LYSMD3: variants seen among roughly 807,000 people sequenced by gnomAD.
LYSMD3 encodes LysM domain containing 3, also known as lysM and putative peptidoglycan-binding domain-containing protein 3.
LYSMD3 carries 13 observed loss-of-function variants against 26.1 expected under a neutral mutation model. The ratio of observed to expected loss-of-function variants is 0.50; its 90% confidence interval spans 0.32 to 0.79. The LOEUF is 0.79. LYSMD3 is among the 30% of genes least tolerant of loss of function. The pLI is 0.03. For synonymous variants in LYSMD3, 109 were observed against 119.4 expected, an observed-to-expected ratio of 0.91 and a Z score of 0.57; for missense variants, 331 against 362.5, an observed-to-expected ratio of 0.91 and a Z score of 0.71.
At chr5:90,520,382 A>G in intron 2 of LYSMD3, 2 of 456,242 alleles carry the variant, frequency 4.4e-6, no homozygotes, top group Admixed American at 4.7e-5. Context: ...TGTCAGAGAG[A>G]TAAAGTGGGT....
rs774712586 is a variant in LYSMD3 at position 90,517,217 on chromosome 5, T to C, written c.*1602A>G. 5 of 152,378 alleles carry C rather than the reference T, an allele frequency of 3.3e-5. No homozygotes were observed. Among genetic ancestry groups the C allele is most frequent in the Non-Finnish European group, 5.9e-5 (4 of 67,924 alleles). The allele number at this position is 152,378 out of a possible 1,614,324, so 9.4% of individuals were successfully genotyped here. ...CTAATATTTGCAAGGGCTTTAATGT[T>C]TGACTTCTTTGTCCTGTCTTTTCCT... On this transcript the variant is annotated 3_prime_UTR_variant, in exon 3 of 3. Coordinates refer to ENST00000315948, the MANE Select transcript of LYSMD3 (RefSeq NM_198273.2).
chr5:90,525,020 A>G lies in LYSMD3; in HGVS notation c.255+15T>C. 6.5e-7 allele frequency: 1 copy of G among 1,538,212 alleles called. No individual in the cohort carries two copies. Among genetic ancestry groups the G allele is most frequent in the Non-Finnish European group, 8.8e-7 (1 of 1,138,120 alleles). ...TAATTTCTTCTGAATTGCATTATGT[A>G]ATATTAAAACTTACCGTACAACAGT... On this transcript the variant is annotated intron_variant, in intron 2 of 2. Transcript: ENST00000315948.
chr5:90,523,015 G>A (rs1039070075), intron 2 of LYSMD3, among the ~76,000 whole-genome samples: 17 of 151,974 alleles, frequency 1.1e-4, no homozygotes, highest in East Asian at 1.9e-4. Flanking sequence ...CTCTCCTCTC[G>A]GATCTGTACC....
Position 90,516,001 on chromosome 5 carries a change from C to T in LYSMD3, c.*2818G>A, listed in dbSNP as rs1204581400. 2 of 152,108 alleles carry T rather than the reference C, an allele frequency of 1.3e-5. No individual in the cohort carries two copies. The highest frequency in any genetic ancestry group is 2.4e-5 in the African/African-American group (1 of 41,446). The allele number at this position is 152,108 out of a possible 1,614,324, so 9.4% of individuals were successfully genotyped here. A position where few individuals can be genotyped will look rare whatever the true frequency, so the allele number is the denominator to read the frequency against. ...TCCTTGCTTCATGATATTTCTAAAACTAAGCATATCCTTCATATTTTCAAC... is the reference window on the plus strand; with the variant it reads ...TCCTTGCTTCATGATATTTCTAAAATTAAGCATATCCTTCATATTTTCAAC... On this transcript the variant is annotated 3_prime_UTR_variant, in exon 3 of 3. Coordinates refer to ENST00000315948, the MANE Select transcript of LYSMD3 (RefSeq NM_198273.2).
In LYSMD3 at chr5:90,519,127, G is replaced by A. The variant is rs767131169; in HGVS notation, c.613C>T (p.Arg205Cys). Residue 205 changes from arginine (R) to cysteine (C), a missense_variant, in exon 3 of 3, where the codon CGT (arginine) becomes TGT (cysteine). Physicochemically the swap from Arg to Cys is radical, Grantham distance 180. Transcript: ENST00000315948. Reference sequence around the variant, plus strand: ...TCTGCTCCATAATAGGGGTCTTTACGTTGAGTGTTTTTGTTATCAGGTTCA... The same window carrying A: ...TCTGCTCCATAATAGGGGTCTTTACATTGAGTGTTTTTGTTATCAGGTTCA... Reference protein sequence around the residue: ...RFEPDNKNTQRKDPYYGADWG... With the variant: ...RFEPDNKNTQCKDPYYGADWG... 12 of 1,613,902 alleles carry A rather than the reference G, an allele frequency of 7.4e-6. No individual in the cohort carries two copies. Among genetic ancestry groups the A allele is most frequent in the African/African-American group, 5.3e-5 (4 of 74,882 alleles).
At chr5:90,522,522 C>A (rs1753117978) in intron 2 of LYSMD3, among the ~76,000 whole-genome samples, 1 of 152,212 alleles carries the variant, frequency 6.6e-6, no homozygotes, top group South Asian at 2.1e-4. Context: ...ATCCTTATCA[C>A]AAATATTTTA....
At chr5:90,521,306 A>G (rs1347705102) in intron 2 of LYSMD3, among the ~76,000 whole-genome samples, 2 of 152,140 alleles carry the variant, frequency 1.3e-5, no homozygotes, top group Non-Finnish European at 2.9e-5. Flanking sequence ...GGTATGTCAT[A>G]TAAAAGTTAG....
chr5:90,528,588 T>C (rs1047163130), intron 1 of LYSMD3, among the ~76,000 whole-genome samples: 4 of 152,250 alleles, frequency 2.6e-5, no homozygotes, highest in African/African-American at 9.6e-5. Flanking sequence ...GATCAAGAAC[T>C]GGCTGTGTCT....
intron 1 of LYSMD3, among the ~76,000 whole-genome samples, 152 bp from the exon 2 acceptor site, chr5:90,525,452 T>C (rs1753201775): frequency 6.6e-6 from 1 of 152,164 alleles, no homozygotes; most frequent in Admixed American, 6.5e-5. Context: ...TTTTTTGTTT[T>C]GTTTTGTTTT....
chr5:90,525,348 A>G, intron 1 of LYSMD3, 48 bp from the exon 2 acceptor site: 1 of 1,518,350 alleles, frequency 6.6e-7, no homozygotes, highest in Non-Finnish European at 8.9e-7. Flanking sequence ...AGCTGATCCA[A>G]CTGACTGATT....
chr5:90,527,647 A>G (rs1753257084), intron 1 of LYSMD3, among the ~76,000 whole-genome samples: 7 of 148,928 alleles, frequency 4.7e-5, no homozygotes, highest in Admixed American at 4.6e-4. Context: ...TAAGTTGAAT[A>G]TGAAACACAA....
In LYSMD3 at chr5:90,529,496, C is replaced by A; in HGVS notation, c.-60G>T. On this transcript the variant is annotated 5_prime_UTR_variant, in exon 1 of 3. Coordinates refer to ENST00000315948, the MANE Select transcript of LYSMD3 (RefSeq NM_198273.2). ...TCTGCGAGAAGATGGCCAAAAGGTCCGCCGCCGCCGCTGTCCCGGGTAAGT... is the reference window on the plus strand; with the variant it reads ...TCTGCGAGAAGATGGCCAAAAGGTCAGCCGCCGCCGCTGTCCCGGGTAAGT... 1 of 456,622 alleles carries A rather than the reference C, an allele frequency of 2.2e-6. No individual in the cohort carries two copies. Among genetic ancestry groups the A allele is most frequent in the South Asian group, 1.5e-5 (1 of 64,572 alleles). 28.3% of individuals were successfully genotyped at this position (456,622 alleles called of 1,614,324 possible).
rs1273718978 is a variant in LYSMD3, at chr5:90,516,937, A to G, written c.*1882T>C. On this transcript the variant is annotated 3_prime_UTR_variant, in exon 3 of 3. Coordinates refer to ENST00000315948, the MANE Select transcript of LYSMD3 (RefSeq NM_198273.2). Reference sequence around the variant, plus strand: ...GACTGTAATTTCATCAATTTGATGTAAACAAAGTTCTTCAAAGGACACCTG... The same window carrying G: ...GACTGTAATTTCATCAATTTGATGTGAACAAAGTTCTTCAAAGGACACCTG... 1 of 152,484 alleles carries G rather than the reference A, an allele frequency of 6.6e-6. No individual in the cohort carries two copies. Among genetic ancestry groups the G allele is most frequent in the Non-Finnish European group, 1.5e-5 (1 of 67,892 alleles). The allele number at this position is 152,484 out of a possible 1,614,324, so 9.4% of individuals were successfully genotyped here.
rs1580230014 is a variant in LYSMD3 at position 90,518,502 on chromosome 5, T to TTTTAAGTAA, written c.*316_*317insTTACTTAAA. The TTTTAAGTAA allele has an allele frequency of 2.3e-5, 5 of 216,738 alleles. 1 individual carries two copies. The East Asian group carries it at 5.2e-4, about 22-fold the overall frequency. The allele number at this position is 216,738 out of a possible 1,614,324, so 13.4% of individuals were successfully genotyped here. A position where few individuals can be genotyped will look rare whatever the true frequency, so the allele number is the denominator to read the frequency against. ...CATAAATTTAACATTAATAAACTTT[T>TTTTAAGTAA]TAAAAATTACTTAAAAAAATAAAAT... On this transcript the variant is annotated 3_prime_UTR_variant, in exon 3 of 3. Coordinates refer to ENST00000315948, the MANE Select transcript of LYSMD3 (RefSeq NM_198273.2).
At chr5:90,526,569 G>T (rs1753228505) in intron 1 of LYSMD3, among the ~76,000 whole-genome samples, 1 of 152,206 alleles carries the variant, frequency 6.6e-6, no homozygotes, top group Non-Finnish European at 1.5e-5. Context: ...GGGGCAGACT[G>T]CTTTCAGTTC....
At chr5:90,527,530 A>G (rs1753253994) in intron 1 of LYSMD3, among the ~76,000 whole-genome samples, 1 of 151,812 alleles carries the variant, frequency 6.6e-6, no homozygotes, top group Non-Finnish European at 1.5e-5. Context: ...ACAACCACAA[A>G]TTTTCCACAA....
chr5:90,519,097 C>T lies in LYSMD3; in HGVS notation c.643G>A (p.Gly215Arg). The change falls in exon 3 of 3, where the codon GGA (glycine) becomes AGA (arginine). Residue 215 changes from glycine (G) to arginine (R), a missense_variant. By Grantham distance (125) the Gly-to-Arg change is moderately radical. Around this residue, in one of 3 missense-constraint regions of LYSMD3, gnomAD observed 262 missense variants for 267.3 expected, o/e 0.98. Transcript: ENST00000315948. ...RKDPYYGADW[G>R]IGWWTAVVIM... Reference sequence around the variant, plus strand: ...ACTACAGCTGTCCACCACCCTATTCCCCAGTCTGCTCCATAATAGGGGTCT... The same window carrying T: ...ACTACAGCTGTCCACCACCCTATTCTCCAGTCTGCTCCATAATAGGGGTCT... 6.2e-7 allele frequency: 1 copy of T among 1,614,100 alleles called. No homozygotes were observed. The highest frequency in any genetic ancestry group is 8.5e-7 in the Non-Finnish European group (1 of 1,180,002).
rs528795245 is a variant in LYSMD3 at position 90,516,276 on chromosome 5, CAAAGA to C, written c.*2538_*2542del. 1.4e-4 allele frequency: 22 copies of C among 152,128 alleles called. No homozygotes were observed. In the East Asian group the frequency reaches 4.0e-3, roughly 28 times the overall value. The allele number at this position is 152,128 out of a possible 1,614,324, so 9.4% of individuals were successfully genotyped here. ...CCATAACTTCCTAGGAGTGAGATAGCAAAGAAATTTTATTTTAACCGAGACTTCAT... is the reference window on the plus strand; with the variant it reads ...CCATAACTTCCTAGGAGTGAGATAGCAATTTTATTTTAACCGAGACTTCAT... On this transcript the variant is annotated 3_prime_UTR_variant, in exon 3 of 3. Coordinates refer to ENST00000315948, the MANE Select transcript of LYSMD3 (RefSeq NM_198273.2).
Position 90,516,113 on chromosome 5 carries a change from A to G in LYSMD3, c.*2706T>C, listed in dbSNP as rs1433019776. The G allele has an allele frequency of 6.6e-6, 1 of 152,142 alleles. No homozygotes were observed. The highest frequency in any genetic ancestry group is 6.5e-5 in the Admixed American group (1 of 15,278). 9.4% of individuals were successfully genotyped at this position (152,142 alleles called of 1,614,324 possible). On this transcript the variant is annotated 3_prime_UTR_variant, in exon 3 of 3. Transcript: ENST00000315948. ...AATAACTCTTCAGGACACTGAACCA[A>G]GCAGGTAGAGTCCAGGAAAAGAAAA... is the stretch of plus-strand genomic sequence containing the variant.
Sources: allele counts gnomAD v4.1 joint callset (sites outside exome capture counted in the v4.1 genomes callset), GRCh38; gene constraint gnomAD v4.1.1; regional missense constraint gnomAD v4.1.1; transcripts MANE v1.5; gene names NCBI Gene and HGNC (gene_info 2026-07-23, HGNC 2026-07-21).